POLD1: variants seen among roughly 807,000 people sequenced by gnomAD.
POLD1 encodes DNA polymerase delta 1, catalytic subunit, also known as DNA polymerase delta catalytic subunit.
Under a neutral mutation model 129.7 loss-of-function variants are expected in POLD1, and 79 were observed. That is an observed-to-expected ratio of 0.61 (90% confidence interval 0.51 to 0.73). The LOEUF (loss-of-function observed/expected upper bound fraction) is 0.73. Among genes scored for constraint, POLD1 ranks in the 30% least tolerant of loss-of-function variants. The pLI, the probability that POLD1 is intolerant of heterozygous loss-of-function variation, is 0.00. For missense variants in POLD1, 1,338 were observed against 1,595.8 expected (o/e 0.84, Z 2.75); for synonymous variants, 714 against 683.3 (o/e 1.04, Z -0.70).
At chr19:50,396,302 T>C (rs1171155431) in intron 1 of POLD1, among the ~76,000 whole-genome samples, 1 of 151,770 alleles carries the variant, frequency 6.6e-6, no homozygotes, top group Non-Finnish European at 1.5e-5. Flanking sequence ...TTGACCAGGC[T>C]GGTCTCGAAC....
In POLD1 at chr19:50,413,483, A is replaced by C. The variant is rs1457064979; in HGVS notation, c.2212A>C (p.Lys738Gln). ...IEKTKQLVES[K>Q]YTVENGYSTS... ...GAAAACCAAGCAGCTGGTGGAGTCT[A>C]AGTACACAGTGGAGAATGGCTACAG... The change falls in exon 18 of 27, where the codon AAG becomes CAG. Residue 738 changes from lysine (K) to glutamine (Q), a missense_variant. This residue lies in a region of POLD1 where 720 missense variants were observed against 1,002.6 expected (regional missense o/e 0.72). Coordinates refer to ENST00000440232, the MANE Select transcript of POLD1 (RefSeq NM_002691.4). 6.2e-7 allele frequency: 1 copy of C among 1,612,910 alleles called. No homozygotes were observed. Among genetic ancestry groups the C allele is most frequent in the Non-Finnish European group, 8.5e-7 (1 of 1,179,360 alleles).
At chr19:50,384,825 C>G (rs559841172) in intron 1 of POLD1, among the ~76,000 whole-genome samples, 2 of 152,312 alleles carry the variant, frequency 1.3e-5, no homozygotes, top group African/African-American at 4.8e-5. Context: ...AAGCAGTGCT[C>G]TGGGGCTGTG....
chr19:50,402,067 G>T lies in POLD1; in HGVS notation c.532G>T (p.Gly178Trp), dbSNP rs140707092. 1.8e-5 allele frequency: 29 copies of T among 1,614,034 alleles called. No homozygotes were observed. The highest frequency in any genetic ancestry group is 3.3e-5 in the South Asian group (3 of 91,070). ...LNLAISRDSRGGRELTGPAVL... is the reference protein window; with the variant it reads ...LNLAISRDSRWGRELTGPAVL... Reference sequence around the variant, plus strand: ...CTTGGCCATCAGCCGGGACAGTCGCGGGGGGAGGGAGCTGACTGGGCCGGC... The same window carrying T: ...CTTGGCCATCAGCCGGGACAGTCGCTGGGGGAGGGAGCTGACTGGGCCGGC... Residue 178 changes from glycine (G) to tryptophan (W), a missense_variant, in exon 5 of 27, where the codon GGG (glycine) becomes TGG (tryptophan). Gly to Trp is a radical substitution (Grantham distance 184). This residue lies in a region of POLD1 where 332 missense variants were observed against 315.7 expected (regional missense o/e 1.05). Transcript: ENST00000440232.
intron 1 of POLD1, among the ~76,000 whole-genome samples, chr19:50,397,889 C>T (rs1025448953): frequency 2.4e-4 from 36 of 152,218 alleles, no homozygotes; most frequent in African/African-American, 8.4e-4. Context: ...TTTATATCAA[C>T]CTTGAGTCAG....
chr19:50,417,908 C>T lies in POLD1; in HGVS notation c.3285C>T (p.Leu1095=). 6.2e-7 allele frequency: 1 copy of T among 1,611,806 alleles called. No homozygotes were observed. Among genetic ancestry groups the T allele is most frequent in the Non-Finnish European group, 8.5e-7 (1 of 1,179,124 alleles). ...AGGACCTGGAAGACCAGGAGCAGCT[C>T]CTGCGGCGCTTCGGACCCCCTGGAC... ...VRKDLEDQEQ[L]LRRFGPPGPE... The change falls in exon 27 of 27, where the codon CTC becomes CTT. Residue 1095 remains leucine, a synonymous_variant. Coordinates refer to ENST00000440232, the MANE Select transcript of POLD1 (RefSeq NM_002691.4).
At chr19:50,414,464 G>A (rs1438619983) in intron 19 of POLD1, among the ~76,000 whole-genome samples, 1 of 152,258 alleles carries the variant, frequency 6.6e-6, no homozygotes, top group Non-Finnish European at 1.5e-5. Flanking sequence ...GAGCCTCGCA[G>A]AGTGGGGAGG....
chr19:50,415,047 TC>T, intron 20 of POLD1, 57 bp downstream of exon 20: 1 of 1,412,810 alleles, frequency 7.1e-7, no homozygotes, highest in African/African-American at 1.4e-5. Context: ...CCCTCCTCCC[TC>T]AGACCCAGGA....
In POLD1 at chr19:50,398,953, C is replaced by A. The variant is rs754716741; in HGVS notation, c.102C>A (p.Phe34Leu). ...ATGATGCACCTCGGCCATCCCAATT[C>A]GAGGAGGACCTGGCACTGATGGAGG... Reference protein sequence around the residue: ...DDDDAPRPSQFEEDLALMEEM... With the variant: ...DDDDAPRPSQLEEDLALMEEM... The change falls in exon 2 of 27, where the codon TTC becomes TTA. Residue 34 changes from phenylalanine to leucine, a missense_variant. Transcript: ENST00000440232. The A allele has an allele frequency of 2.5e-6, 4 of 1,585,842 alleles. No homozygotes were observed. Among genetic ancestry groups the A allele is most frequent in the Non-Finnish European group, 3.4e-6 (4 of 1,166,910 alleles).
rs528292347 is a variant in POLD1, at chr19:50,407,004, C to T, written c.1516C>T (p.Arg506Cys). 6.8e-6 allele frequency: 11 copies of T among 1,607,328 alleles called. No individual in the cohort carries two copies. Among genetic ancestry groups the T allele is most frequent in the Admixed American group, 1.7e-5 (1 of 59,374 alleles). ...DLQNGNDQTR[R>C]RLAVYCLKDA... ...CCAGAATGGGAACGACCAGACCCGC[C>T]GCCGCCTGGCTGTGTACTGCCTGAA... The change falls in exon 13 of 27, where the codon CGC becomes TGC. Residue 506 changes from arginine to cysteine, a missense_variant. By Grantham distance (180) the Arg-to-Cys change is radical (BLOSUM62 -3). Around this residue, in one of 3 missense-constraint regions of POLD1, gnomAD observed 720 missense variants for 1,002.6 expected, o/e 0.72. Transcript: ENST00000440232.
chr19:50,401,823 C>T lies in POLD1; in HGVS notation c.362C>T (p.Ser121Phe). ...GGGGGGCCCCCACCATCCCGCGGCTCCGTGCCTGTGCTCCGCGCCTTCGGG... is the reference window on the plus strand; with the variant it reads ...GGGGGGCCCCCACCATCCCGCGGCTTCGTGCCTGTGCTCCGCGCCTTCGGG... Reference protein sequence around the residue: ...VPGGPPPSRGSVPVLRAFGVT... With the variant: ...VPGGPPPSRGFVPVLRAFGVT... The change falls in exon 4 of 27, where the codon TCC becomes TTC. Residue 121 changes from serine (S) to phenylalanine (F), a missense_variant. Ser to Phe is a radical substitution (Grantham distance 155, BLOSUM62 -2). Around this residue, in one of 3 missense-constraint regions of POLD1, gnomAD observed 332 missense variants for 315.7 expected, o/e 1.05. Transcript: ENST00000440232. 6.2e-7 allele frequency: 1 copy of T among 1,613,750 alleles called. No individual in the cohort carries two copies. Among genetic ancestry groups the T allele is most frequent in the Non-Finnish European group, 8.5e-7 (1 of 1,179,902 alleles).
intron 1 of POLD1, among the ~76,000 whole-genome samples, chr19:50,384,654 G>A (rs190016155): frequency 1.3e-5 from 2 of 152,288 alleles, no homozygotes; most frequent in East Asian, 1.9e-4. Context: ...GAGGAGCTGG[G>A]GGGACTGGGT....
chr19:50,385,471 T>G (rs1601155735), intron 1 of POLD1, among the ~76,000 whole-genome samples: 4 of 151,450 alleles, frequency 2.6e-5, no homozygotes, highest in South Asian at 2.1e-4. Flanking sequence ...GGCAGGGCGA[T>G]GTCAGTGCCT....
rs144979965 is a variant in POLD1 at position 50,402,289 on chromosome 19, G to A, written c.674G>A (p.Arg225His). The change falls in exon 6 of 27, where the codon CGT becomes CAT. Residue 225 changes from arginine (R) to histidine (H), a missense_variant. By Grantham distance (29) the Arg-to-His change is conservative. Around this residue, in one of 3 missense-constraint regions of POLD1, gnomAD observed 720 missense variants for 1,002.6 expected, o/e 0.72. Transcript: ENST00000440232. ...CCGCGCCTCGTGGCCCCGGCCCGCCGTCTCCTGGAACAGGGCATCCGTGTG... is the reference window on the plus strand; with the variant it reads ...CCGCGCCTCGTGGCCCCGGCCCGCCATCTCCTGGAACAGGGCATCCGTGTG... ...ALPRLVAPAR[R>H]LLEQGIRVAG... 31 of 1,609,562 alleles carry A rather than the reference G, an allele frequency of 1.9e-5. No homozygotes were observed. The highest frequency in any genetic ancestry group is 3.4e-5 in the Admixed American group (2 of 59,632).
rs2122383649 is a variant in POLD1 at position 50,409,500 on chromosome 19, TC to T, written c.2007-15del. The T allele has an allele frequency of 1.2e-6, 2 of 1,613,482 alleles. No individual in the cohort carries two copies. The highest frequency in any genetic ancestry group is 1.7e-6 in the Non-Finnish European group (2 of 1,180,028). On this transcript the variant is annotated intron_variant, in intron 16 of 26. Transcript: ENST00000440232. This position sits in a 1 kb window ranked among gnomAD's most constrained non-coding sequence, Gnocchi z 5.8. ...GCCCAGGTGCCGCCTGAGTGTGCTT[TC>T]CCCGTGTTCCCTCGCAGGGCCAAGG...
In POLD1 at chr19:50,406,167, G is replaced by T. The variant is rs3218763; in HGVS notation, c.1243-15G>T. On this transcript the variant is annotated splice_polypyrimidine_tract_variant and intron_variant, in intron 10 of 26. Coordinates refer to ENST00000440232, the MANE Select transcript of POLD1 (RefSeq NM_002691.4). This position sits in a 1 kb window ranked among gnomAD's most constrained non-coding sequence, Gnocchi z 5.5. ...GGACCCGCAGCCTGCTGCACACCCTGCCTCTCCTCCTCAGGTACAAACATT... is the reference window on the plus strand; with the variant it reads ...GGACCCGCAGCCTGCTGCACACCCTTCCTCTCCTCCTCAGGTACAAACATT... 42 of 1,609,750 alleles carry T rather than the reference G, an allele frequency of 2.6e-5. 1 individual carries two copies. The Admixed American group carries it at 6.2e-4, about 24-fold the overall frequency.
At chr19:50,397,117 G>A (rs1344708663) in intron 1 of POLD1, among the ~76,000 whole-genome samples, 1 of 148,200 alleles carries the variant, frequency 6.7e-6, no homozygotes, top group African/African-American at 2.5e-5. Context: ...AGAAAACACA[G>A]GCCAGGCTTG....
intron 1 of POLD1, among the ~76,000 whole-genome samples, chr19:50,387,049 G>A (rs1232185431): frequency 3.3e-5 from 5 of 152,024 alleles, no homozygotes; most frequent in South Asian, 2.1e-4. Flanking sequence ...AAAATTAGCC[G>A]GGCGTGGTGG....
chr19:50,412,782 G>A (rs191342569), intron 17 of POLD1, among the ~76,000 whole-genome samples: 1 of 151,726 alleles, frequency 6.6e-6, no homozygotes, highest in African/African-American at 2.4e-5. Flanking sequence ...GTGTGTGTGT[G>A]TATTTTTAGT....
At chr19:50,392,861 C>T (rs1220054018) in intron 1 of POLD1, among the ~76,000 whole-genome samples, 1 of 152,224 alleles carries the variant, frequency 6.6e-6, no homozygotes, top group Non-Finnish European at 1.5e-5. Context: ...GTGAGTGCAC[C>T]ACTGTGCATC....
Sources: allele counts gnomAD v4.1 joint callset (sites outside exome capture counted in the v4.1 genomes callset), GRCh38; gene constraint gnomAD v4.1.1; regional missense constraint gnomAD v4.1.1; non-coding constraint Gnocchi (gnomAD v3.1); transcripts MANE v1.5; gene names NCBI Gene and HGNC (gene_info 2026-07-23, HGNC 2026-07-21).